The following SRRM4 variants were observed in gnomAD, a reference collection of about 807,000 sequenced individuals.
SRRM4 encodes the protein serine/arginine repetitive matrix protein 4.
In SRRM4, 33 loss-of-function variants were observed where a neutral mutation model predicts 68.9. That is an observed-to-expected ratio of 0.48 (90% CI 0.36 to 0.64). SRRM4 has a LOEUF of 0.64. SRRM4 is among the 30% of genes least tolerant of loss of function. The pLI is 0.00. For synonymous variants in SRRM4, 318 were observed against 318.8 expected, an observed-to-expected ratio of 1.00 and a Z score of 0.03; for missense variants, 817 against 827.1, an observed-to-expected ratio of 0.99 and a Z score of 0.15.
intron 1 of SRRM4, among the ~76,000 whole-genome samples, chr12:119,020,767 T>C (rs1490162245): frequency 6.6e-6 from 1 of 152,112 alleles, no homozygotes; most frequent in East Asian, 1.9e-4. Context: ...GGCGAGAGGT[T>C]TTATATCAAA....
At chr12:119,065,267 CT>C (rs928746869) in intron 1 of SRRM4, among the ~76,000 whole-genome samples, 1 of 152,204 alleles carries the variant, frequency 6.6e-6, no homozygotes, top group Non-Finnish European at 1.5e-5. Flanking sequence ...ACACACTGTT[CT>C]GAGTTGACCC....
chr12:119,102,005 C>T (rs1020491832), intron 1 of SRRM4, among the ~76,000 whole-genome samples: 4 of 152,094 alleles, frequency 2.6e-5, no homozygotes, highest in East Asian at 1.9e-4. Context: ...ACTCTAAAGT[C>T]GCTATGACAG....
At chr12:118,996,090 C>A (rs1953347951) in intron 1 of SRRM4, among the ~76,000 whole-genome samples, 1 of 152,200 alleles carries the variant, frequency 6.6e-6, no homozygotes, top group Non-Finnish European at 1.5e-5. Context: ...TTCACCATTT[C>A]CCCACATTTA....
chr12:119,043,809 A>ACACACAC (rs1555215467), intron 1 of SRRM4, among the ~76,000 whole-genome samples: 1 of 57,250 alleles, frequency 1.7e-5, no homozygotes, highest in Non-Finnish European at 4.6e-5. Context: ...CACACACACA[A>ACACACAC]GTCTTGGGCA....
intron 1 of SRRM4, among the ~76,000 whole-genome samples, chr12:119,068,833 A>C (rs1485980426): frequency 6.6e-6 from 1 of 152,166 alleles, no homozygotes; most frequent in African/African-American, 2.4e-5. Flanking sequence ...GGGGATGGCA[A>C]GGAGAAAGAA....
At position 119,074,603 on chromosome 12, in the gene SRRM4, A is replaced by G. The variant is rs117860344; in HGVS notation, c.132-27633A>G. Among the ~76,000 whole-genome samples the G allele has an allele frequency of 7.8e-3, 1,186 of 152,260 alleles. 10 individuals carry two copies. The highest frequency in any genetic ancestry group is 0.017 in the Middle Eastern group (5 of 294). The stretch of plus-strand genomic sequence containing the variant: ...CACCTCTGGCTCTATATTAGAATAA[A>G]TTGCTGGGAGAAAGGAGATGCTTTT... On this transcript the variant is annotated intron_variant, in intron 1 of 12. Transcript: ENST00000267260.
chr12:119,024,197 C>T (rs1594031631), intron 1 of SRRM4, among the ~76,000 whole-genome samples: 1 of 152,254 alleles, frequency 6.6e-6, no homozygotes, highest in South Asian at 2.1e-4. Context: ...GTACCTGAAG[C>T]CCCAAGAAGG....
chr12:119,007,478 C>G (rs1042028980), intron 1 of SRRM4, among the ~76,000 whole-genome samples: 2 of 151,898 alleles, frequency 1.3e-5, no homozygotes, highest in African/African-American at 4.8e-5. Context: ...TTTTTTTATT[C>G]CAGACTTTTT....
intron 1 of SRRM4, among the ~76,000 whole-genome samples, chr12:119,044,336 G>A (rs1269916528): frequency 6.6e-6 from 1 of 152,224 alleles, no homozygotes; most frequent in African/African-American, 2.4e-5. Flanking sequence ...AGCTCCTGGT[G>A]GGTACCTTGG....
At chr12:119,034,524 A>T (rs967054162) in intron 1 of SRRM4, among the ~76,000 whole-genome samples, 1 of 152,226 alleles carries the variant, frequency 6.6e-6, no homozygotes. Flanking sequence ...CATGCATATT[A>T]CTCAAACTCA....
intron 9 of SRRM4, among the ~76,000 whole-genome samples, chr12:119,146,708 G>A (rs1044849405): frequency 8.5e-5 from 13 of 152,180 alleles, no homozygotes; most frequent in Non-Finnish European, 1.9e-4. Flanking sequence ...AGGCCGAGGC[G>A]GGTGGATCAC....
chr12:119,093,343 C>T (rs1302482575), intron 1 of SRRM4, among the ~76,000 whole-genome samples: 1 of 152,166 alleles, frequency 6.6e-6, no homozygotes, highest in Non-Finnish European at 1.5e-5. Flanking sequence ...TCCTTGGAAG[C>T]ACCTCTTGGG....
At chr12:118,983,568 T>C (rs995456895) in intron 1 of SRRM4, among the ~76,000 whole-genome samples, 1 of 152,216 alleles carries the variant, frequency 6.6e-6, no homozygotes, top group Non-Finnish European at 1.5e-5. Flanking sequence ...AATCAGGTGC[T>C]GCACTGGCCA....
chr12:119,151,433 A>C (rs1165771672), intron 10 of SRRM4, among the ~76,000 whole-genome samples: 1 of 152,212 alleles, frequency 6.6e-6, no homozygotes, highest in East Asian at 1.9e-4. Flanking sequence ...AGCAATTCTT[A>C]CCAGAAAAGA....
chr12:119,131,345 C>T (rs1428661112), intron 8 of SRRM4, among the ~76,000 whole-genome samples: 1 of 152,178 alleles, frequency 6.6e-6, no homozygotes, highest in Admixed American at 6.5e-5. Context: ...GAGGTCATAG[C>T]TCTTGACCTA....
At chr12:119,090,618 C>T (rs750646119) in intron 1 of SRRM4, among the ~76,000 whole-genome samples, 1 of 152,168 alleles carries the variant, frequency 6.6e-6, no homozygotes, top group African/African-American at 2.4e-5. Flanking sequence ...AACATTCCCA[C>T]CTATCTGGAA....
Position 119,099,139 on chromosome 12 carries a change from T to C in SRRM4, c.132-3097T>C, listed in dbSNP as rs142313899. Among the ~76,000 whole-genome samples, 561 of 152,116 alleles carry C rather than the reference T, an allele frequency of 3.7e-3. 1 individual carries two copies. The highest frequency in any genetic ancestry group is 6.4e-3 in the Non-Finnish European group (438 of 67,994). On this transcript the variant is annotated intron_variant, in intron 1 of 12. Transcript: ENST00000267260. ...TGCTGTTCCTTATTATTATTATTAT[T>C]ATTACTATTGTTATAGGCAGAGGCT...
intron 1 of SRRM4, among the ~76,000 whole-genome samples, chr12:118,993,229 C>T (rs1246370251): frequency 2.6e-5 from 4 of 152,174 alleles, no homozygotes; most frequent in Admixed American, 2.6e-4. Flanking sequence ...AGGTTGTTCA[C>T]TGAGCAGGGA....
At chr12:119,105,037 T>C (rs1954098579) in intron 2 of SRRM4, among the ~76,000 whole-genome samples, 1 of 144,944 alleles carries the variant, frequency 6.9e-6, no homozygotes, top group Non-Finnish European at 1.5e-5. Context: ...TTCTCATTGT[T>C]CAATTCCCAC....
Sources: gnomAD v4.1 joint callset for allele counts (sites outside exome capture counted in the v4.1 genomes callset) on GRCh38, gnomAD v4.1.1 for gene constraint, MANE v1.5 for transcripts, NCBI Gene and HGNC (gene_info 2026-07-23, HGNC 2026-07-21) for gene names.